Variants in CNTNAP2 observed in about 807,000 individuals in gnomAD.
The protein encoded by CNTNAP2 is contactin associated protein 2, also known as contactin-associated protein-like 2.
A neutral mutation model predicts 155.2 loss-of-function variants in CNTNAP2; 98 were observed. The ratio of observed to expected loss-of-function variants is 0.63; its 90% CI spans 0.54 to 0.75. CNTNAP2 has a LOEUF of 0.75. CNTNAP2 is among the 30% of genes least tolerant of loss of function. The probability of loss-of-function intolerance (pLI) is 0.00; values close to 1 mark genes in which losing one functional copy is unlikely to be tolerated. For missense variants in CNTNAP2, 1,727 were observed against 1,688.1 expected (o/e 1.02, Z -0.40); for synonymous variants, 651 against 631.2 (o/e 1.03, Z -0.47).
chr7:147,866,286 G>A (rs992598525), intron 13 of CNTNAP2, among the ~76,000 whole-genome samples: 3 of 75,932 alleles, frequency 4.0e-5, no homozygotes, highest in African/African-American at 5.8e-5. Context: ...TGGTCTGAGA[G>A]ACTGTTGTCA....
intron 10 of CNTNAP2, among the ~76,000 whole-genome samples, chr7:147,453,160 T>C (rs1297681135): frequency 6.6e-6 from 1 of 152,154 alleles, no homozygotes; most frequent in Admixed American, 6.6e-5. Flanking sequence ...GATGAAAGAT[T>C]TGTTGTCTTA....
chr7:146,599,659 A>G (rs1463350497), intron 1 of CNTNAP2, among the ~76,000 whole-genome samples: 1 of 151,872 alleles, frequency 6.6e-6, no homozygotes, highest in African/African-American at 2.4e-5. Context: ...TTGGCTTACC[A>G]TCAGCTTTTT....
intron 9 of CNTNAP2, among the ~76,000 whole-genome samples, chr7:147,300,981 T>A (rs183117503): frequency 0.01 from 1,550 of 152,274 alleles, 31 homozygotes; most frequent in African/African-American, 0.035. Context: ...GAGTATTTTT[T>A]AAAATATAAT....
At chr7:146,627,345 A>G (rs891334217) in intron 1 of CNTNAP2, among the ~76,000 whole-genome samples, 2 of 152,162 alleles carry the variant, frequency 1.3e-5, no homozygotes, top group African/African-American at 4.8e-5. Flanking sequence ...TGACTGCTTG[A>G]TATTTGTATG....
At chr7:146,508,120 T>C (rs992625462) in intron 1 of CNTNAP2, among the ~76,000 whole-genome samples, 1 of 152,188 alleles carries the variant, frequency 6.6e-6, no homozygotes, top group African/African-American at 2.4e-5. Flanking sequence ...CAGAGAATTG[T>C]AGGGTTTGTG....
At chr7:146,485,625 A>T (rs1223126696) in intron 1 of CNTNAP2, among the ~76,000 whole-genome samples, 1 of 152,146 alleles carries the variant, frequency 6.6e-6, no homozygotes, top group African/African-American at 2.4e-5. Context: ...AGATAATCCC[A>T]TGAAGCTTTT....
intron 3 of CNTNAP2, among the ~76,000 whole-genome samples, chr7:146,846,830 C>G (rs887738456): frequency 1.3e-5 from 2 of 152,046 alleles, no homozygotes; most frequent in Non-Finnish European, 2.9e-5. Flanking sequence ...AGATTTCTTA[C>G]AGGCTGTAAA....
chr7:148,385,746 T>TTTGTTTGTTTGTTTG lies in CNTNAP2; in HGVS notation c.3715+1860_3715+1861insGTTTGTTTGTTTGTT, dbSNP rs1563067651. ...CTTTGAGTGTGACAGGTTTTTTTTT[T>TTTGTTTGTTTGTTTG]TTTTTTTTTTTTTTGGAGACAGACA... On this transcript the variant is annotated intron_variant, in intron 22 of 23. Transcript: ENST00000361727. Among the ~76,000 whole-genome samples the TTTGTTTGTTTGTTTG allele has an allele frequency of 7.1e-3, 742 of 103,816 alleles. 6 individuals are homozygous for TTTGTTTGTTTGTTTG. The highest frequency in any genetic ancestry group is 0.024 in the African/African-American group (677 of 27,670). 68.1% of individuals were successfully genotyped at this position (103,816 alleles called of 152,430 possible).
chr7:148,298,846 A>G (rs1162808841), intron 21 of CNTNAP2, among the ~76,000 whole-genome samples: 1 of 151,210 alleles, frequency 6.6e-6, no homozygotes, highest in East Asian at 2.0e-4. Flanking sequence ...CTACAGGCAC[A>G]CACCACTACA....
intron 1 of CNTNAP2, among the ~76,000 whole-genome samples, chr7:146,316,725 T>C (rs1800912415): frequency 6.6e-6 from 1 of 151,938 alleles, no homozygotes; most frequent in Non-Finnish European, 1.5e-5. Context: ...GTGTCCTGTA[T>C]GACAGAAGTT....
At chr7:146,496,918 T>C (rs1364362042) in intron 1 of CNTNAP2, among the ~76,000 whole-genome samples, 1 of 152,240 alleles carries the variant, frequency 6.6e-6, no homozygotes, top group Non-Finnish European at 1.5e-5. Context: ...GAGTTATAGT[T>C]AACCTAATGC....
At chr7:147,380,335 T>A (rs1478338064) in intron 9 of CNTNAP2, among the ~76,000 whole-genome samples, 1 of 152,112 alleles carries the variant, frequency 6.6e-6, no homozygotes. Context: ...GCATTCTGCA[T>A]TTACATTCTA....
intron 1 of CNTNAP2, among the ~76,000 whole-genome samples, chr7:146,593,910 G>C (rs545593622): frequency 1.3e-5 from 2 of 152,122 alleles, no homozygotes. Flanking sequence ...GACTCTTGCA[G>C]AGTTAGTTTA....
At chr7:146,196,762 A>G (rs1245427683) in intron 1 of CNTNAP2, among the ~76,000 whole-genome samples, 2 of 152,166 alleles carry the variant, frequency 1.3e-5, no homozygotes, top group Non-Finnish European at 2.9e-5. Flanking sequence ...ATATATTCAC[A>G]TAGAAAGAAA....
At chr7:147,626,979 G>A (rs1794991603) in intron 12 of CNTNAP2, among the ~76,000 whole-genome samples, 1 of 152,134 alleles carries the variant, frequency 6.6e-6, no homozygotes, top group Non-Finnish European at 1.5e-5. Context: ...ACCTGAAGAT[G>A]GATCACATCA....
chr7:147,656,424 T>G (rs1795526623), intron 13 of CNTNAP2, among the ~76,000 whole-genome samples: 1 of 152,192 alleles, frequency 6.6e-6, no homozygotes, highest in African/African-American at 2.4e-5. Context: ...TTGAGCGATG[T>G]GTGACTTTCT....
At chr7:146,463,398 G>T (rs961756214) in intron 1 of CNTNAP2, among the ~76,000 whole-genome samples, 2 of 151,852 alleles carry the variant, frequency 1.3e-5, no homozygotes, top group African/African-American at 4.8e-5. Flanking sequence ...TCTAAGCAAA[G>T]GTAATCTACT....
chr7:147,347,437 TATGC>T (rs200359905), intron 9 of CNTNAP2, among the ~76,000 whole-genome samples: 117 of 32,504 alleles, frequency 3.6e-3, no homozygotes, highest in African/African-American at 4.7e-3. Flanking sequence ...TATATATATA[TATGC>T]ATATATATAT....
chr7:147,616,034 A>C (rs1479652126), intron 12 of CNTNAP2, among the ~76,000 whole-genome samples: 1 of 152,078 alleles, frequency 6.6e-6, no homozygotes, highest in Non-Finnish European at 1.5e-5. Context: ...TATTCAGTCC[A>C]AAATTCTCAC....
Sources: gnomAD v4.1 joint callset for allele counts (sites outside exome capture counted in the v4.1 genomes callset) on GRCh38, gnomAD v4.1.1 for gene constraint, MANE v1.5 for transcripts, NCBI Gene and HGNC (gene_info 2026-07-23, HGNC 2026-07-21) for gene names.